The following UBE3D variants were observed in gnomAD, a reference collection of about 807,000 sequenced individuals.
UBE3D encodes E3 ubiquitin-protein ligase E3D.
Under a neutral mutation model 49.6 loss-of-function variants are expected in UBE3D, and 48 were observed. That is an observed-to-expected ratio of 0.97 (90% CI 0.77 to 1.23). The LOEUF (loss-of-function observed/expected upper bound fraction) is 1.23, where lower values mean the gene tolerates loss of function less well. Ranked by LOEUF, UBE3D falls within the 50% of genes most tolerant of loss-of-function variation. UBE3D has a pLI of 0.00. For synonymous variants in UBE3D, 189 were observed against 174.2 expected (o/e 1.08, Z -0.67); for missense variants, 452 against 468.4 (o/e 0.96, Z 0.32).
At chr6:82,941,692 G>A (rs1775026017) in intron 9 of UBE3D, among the ~76,000 whole-genome samples, 1 of 152,144 alleles carries the variant, frequency 6.6e-6, no homozygotes, top group Non-Finnish European at 1.5e-5. Context: ...ATCGGATCAT[G>A]GGGGCAGCTT....
intron 9 of UBE3D, among the ~76,000 whole-genome samples, chr6:82,914,389 A>C (rs375818024): frequency 1.3e-5 from 2 of 152,148 alleles, no homozygotes; most frequent in East Asian, 3.9e-4. Flanking sequence ...TCAGTGAGCA[A>C]AACCAAGTGA....
intron 2 of UBE3D, 70 bp from the exon 3 acceptor site, chr6:83,054,308 A>G: frequency 8.7e-7 from 1 of 1,155,066 alleles, no homozygotes; most frequent in South Asian, 1.3e-5. Flanking sequence ...TAAACAGTTC[A>G]ATAGCCACGA....
Position 83,065,732 on chromosome 6 carries a change from T to C in UBE3D, c.-14A>G, listed in dbSNP as rs374755454. On this transcript the variant is annotated 5_prime_UTR_variant, in exon 1 of 10. Transcript: ENST00000369747. ...AGAAGCCGCCATGGCAGGCTTCCAG[T>C]CCCAGACCGGACCAAGCTGGAGGTT... 80 of 1,606,840 alleles carry C rather than the reference T, an allele frequency of 5.0e-5. No homozygotes were observed. The highest frequency in any genetic ancestry group is 6.4e-5 in the Non-Finnish European group (75 of 1,176,894).
intron 4 of UBE3D, 42 bp from the exon 5 acceptor site, chr6:83,038,527 T>G: frequency 6.5e-7 from 1 of 1,528,460 alleles, no homozygotes; most frequent in South Asian, 1.2e-5. Context: ...ATTCAGCTTT[T>G]CTTAAAAGGA....
the UBE3D span, among the ~76,000 whole-genome samples, chr6:82,884,321 C>T: frequency 9.9e-4 from 150 of 152,208 alleles, no homozygotes; most frequent in African/African-American, 3.4e-3. Flanking sequence ...GGCACCTACA[C>T]CTCATATGGG....
At chr6:83,061,658 TAA>T (rs1784175712) in intron 1 of UBE3D, among the ~76,000 whole-genome samples, 1 of 152,236 alleles carries the variant, frequency 6.6e-6, no homozygotes, top group Non-Finnish European at 1.5e-5. Flanking sequence ...AACCTGTTGT[TAA>T]AATTCTAGGA....
chr6:82,924,777 A>G (rs1027848933), intron 9 of UBE3D: 2 of 152,172 alleles, frequency 1.3e-5, no homozygotes, highest in Admixed American at 6.5e-5. Flanking sequence ...GTCCAATTTA[A>G]GGCAGAATAT....
intron 9 of UBE3D, among the ~76,000 whole-genome samples, chr6:82,912,328 C>G (rs1183895701): frequency 6.6e-6 from 1 of 152,000 alleles, no homozygotes; most frequent in Non-Finnish European, 1.5e-5. Flanking sequence ...TGCATTCATC[C>G]TTTTTTCCAT....
At chr6:82,928,806 A>T (rs1773934036) in intron 9 of UBE3D, among the ~76,000 whole-genome samples, 1 of 152,196 alleles carries the variant, frequency 6.6e-6, no homozygotes, top group Non-Finnish European at 1.5e-5. Context: ...TCCATATGGT[A>T]AGTTATGTTC....
chr6:82,892,344 G>A (rs1327502686), downstream of UBE3D: 2 of 153,892 alleles, frequency 1.3e-5, no homozygotes, highest in African/African-American at 4.8e-5. Flanking sequence ...TCACTGAAAG[G>A]TTTCCTCACC....
chr6:82,887,389 G>GTTTTT, the UBE3D span, among the ~76,000 whole-genome samples: 5 of 98,368 alleles, frequency 5.1e-5, no homozygotes, highest in African/African-American at 1.5e-4. Context: ...GACAGTAACA[G>GTTTTT]TTTTTTTTTT....
rs1341265274 is a variant in UBE3D at position 83,044,527 on chromosome 6, A to G, written c.498T>C (p.Ser166=). The G allele has an allele frequency of 2.5e-6, 4 of 1,614,040 alleles. No individual in the cohort carries two copies. The Admixed American group carries it at 6.7e-5, about 27-fold the overall frequency. ...PQENDCFIGD[S]FFLVNLRTSL... is the part of the protein sequence containing the mutation. ...TGGTTCTTAAATTCACCAAGAAGAAAGAGTCTCCAATAAAACAGTCATTCT... is the reference window on the plus strand; with the variant it reads ...TGGTTCTTAAATTCACCAAGAAGAAGGAGTCTCCAATAAAACAGTCATTCT... The change falls in exon 4 of 10, where the codon TCT becomes TCC. Residue 166 remains serine, a synonymous_variant. Transcript: ENST00000369747.
At chr6:83,037,139 C>A (rs1021969772) in intron 5 of UBE3D, 2 of 152,674 alleles carry the variant, frequency 1.3e-5, no homozygotes, top group Admixed American at 6.5e-5. Context: ...CTGCTTCCAG[C>A]CCCTTGCCTC....
At chr6:82,960,236 C>T (rs1315728138) in intron 8 of UBE3D, among the ~76,000 whole-genome samples, 1 of 152,168 alleles carries the variant, frequency 6.6e-6, no homozygotes, top group African/African-American at 2.4e-5. Flanking sequence ...AATTATCTTA[C>T]ATTGATTGAC....
chr6:82,887,974 G>A (rs991053806), downstream of UBE3D, among the ~76,000 whole-genome samples: 5 of 152,116 alleles, frequency 3.3e-5, no homozygotes. Flanking sequence ...GGAAGAGGGT[G>A]TGGGAAATGT....
At chr6:82,911,223 A>AAAAAACC (rs1772496649) in intron 9 of UBE3D, among the ~76,000 whole-genome samples, 1 of 149,354 alleles carries the variant, frequency 6.7e-6, no homozygotes, top group Non-Finnish European at 1.5e-5. Context: ...AAAAAAAAAA[A>AAAAAACC]CTCAGGGGGG....
chr6:82,890,597 T>C (rs1453094201), downstream of UBE3D, among the ~76,000 whole-genome samples: 1 of 152,172 alleles, frequency 6.6e-6, no homozygotes, highest in African/African-American at 2.4e-5. Flanking sequence ...TGACCTCCTC[T>C]TACATCTGTC....
At chr6:83,020,490 G>A (rs780166632) in intron 7 of UBE3D, among the ~76,000 whole-genome samples, 10 of 152,110 alleles carry the variant, frequency 6.6e-5, no homozygotes, top group South Asian at 6.2e-4. Flanking sequence ...AGGCAGGAAA[G>A]GGAACACTTT....
chr6:82,966,550 T>C (rs1191712589), intron 8 of UBE3D, among the ~76,000 whole-genome samples: 2 of 111,848 alleles, frequency 1.8e-5, no homozygotes, highest in South Asian at 2.9e-4. Context: ...CTCGGGAGGC[T>C]GAGGCAGGAG....
Sources: allele counts gnomAD v4.1 joint callset (sites outside exome capture counted in the v4.1 genomes callset), GRCh38; gene constraint gnomAD v4.1.1; transcripts MANE v1.5; gene names NCBI Gene and HGNC (gene_info 2026-07-23, HGNC 2026-07-21).